SGMS1: variants seen among roughly 807,000 people sequenced by gnomAD.
SGMS1 encodes the protein sphingomyelin synthase 1.
In SGMS1, 13 loss-of-function variants were observed where a neutral mutation model predicts 46.2. The observed-to-expected ratio is 0.28, with a 90% CI of 0.18 to 0.45. The LOEUF (loss-of-function observed/expected upper bound fraction) is 0.45, where lower values mean the gene tolerates loss of function less well. SGMS1 is among the 20% of genes least tolerant of loss of function. SGMS1 has a pLI of 1.00. For synonymous variants in SGMS1, 203 were observed against 187.8 expected (o/e 1.08, Z -0.66); for missense variants, 324 against 519.9 (o/e 0.62, Z 3.66).
chr10:50,543,168 T>C (rs1411211356), intron 2 of SGMS1, among the ~76,000 whole-genome samples: 1 of 152,152 alleles, frequency 6.6e-6, no homozygotes, highest in East Asian at 1.9e-4. Flanking sequence ...AGAATTTCCA[T>C]TACAATATGC....
At chr10:50,553,308 C>T (rs913056360) in intron 2 of SGMS1, among the ~76,000 whole-genome samples, 1 of 152,138 alleles carries the variant, frequency 6.6e-6, no homozygotes, top group Non-Finnish European at 1.5e-5. Flanking sequence ...AAATATACCA[C>T]CTTGGTCAAG....
intron 6 of SGMS1, among the ~76,000 whole-genome samples, chr10:50,393,779 A>G (rs544301112): frequency 2.5e-4 from 38 of 152,310 alleles, no homozygotes; most frequent in African/African-American, 8.9e-4. Flanking sequence ...CTATATTATT[A>G]ATAGTAAAAA....
At chr10:50,567,600 C>T (rs1310275126) in intron 2 of SGMS1, among the ~76,000 whole-genome samples, 1 of 152,174 alleles carries the variant, frequency 6.6e-6, no homozygotes, top group Non-Finnish European at 1.5e-5. Context: ...ACGGGGCAGG[C>T]GGCTCTCCAG....
At chr10:50,537,828 A>G (rs1488652783) in intron 2 of SGMS1, among the ~76,000 whole-genome samples, 1 of 152,194 alleles carries the variant, frequency 6.6e-6, no homozygotes, top group African/African-American at 2.4e-5. Flanking sequence ...GCAGAATTCA[A>G]GAAGAGTGAC....
At chr10:50,549,930 A>G (rs907426444) in intron 2 of SGMS1, among the ~76,000 whole-genome samples, 1 of 152,228 alleles carries the variant, frequency 6.6e-6, no homozygotes, top group Non-Finnish European at 1.5e-5. Context: ...CAATTATCTC[A>G]GAAACACCAC....
chr10:50,555,728 G>A (rs1838184723), intron 2 of SGMS1, among the ~76,000 whole-genome samples: 1 of 152,136 alleles, frequency 6.6e-6, no homozygotes, highest in Non-Finnish European at 1.5e-5. Flanking sequence ...TAAACTCCCT[G>A]GAGGCCAAAG....
At chr10:50,435,046 C>T (rs1849457379) in intron 5 of SGMS1, among the ~76,000 whole-genome samples, 1 of 152,146 alleles carries the variant, frequency 6.6e-6, no homozygotes, top group African/African-American at 2.4e-5. Context: ...CTAAGAGGAA[C>T]AGATTCATTG....
chr10:50,593,454 GAAT>G (rs1297318392), intron 1 of SGMS1, among the ~76,000 whole-genome samples: 1 of 152,160 alleles, frequency 6.6e-6, no homozygotes, highest in East Asian at 1.9e-4. Flanking sequence ...TAGGTGTAAA[GAAT>G]AATAAAATAA....
chr10:50,537,905 C>T (rs1838017698), intron 2 of SGMS1, among the ~76,000 whole-genome samples: 1 of 152,118 alleles, frequency 6.6e-6, no homozygotes, highest in African/African-American at 2.4e-5. Context: ...ATTTACCCTA[C>T]AAGTAACTAA....
intron 1 of SGMS1, among the ~76,000 whole-genome samples, chr10:50,609,098 C>A (rs146388419): frequency 6.6e-6 from 1 of 152,118 alleles, no homozygotes; most frequent in African/African-American, 2.4e-5. Context: ...GATCCTCCCA[C>A]CTCAGTCTCC....
intron 6 of SGMS1, among the ~76,000 whole-genome samples, chr10:50,402,076 T>A (rs928550338): frequency 2.2e-4 from 34 of 152,216 alleles, no homozygotes; most frequent in African/African-American, 8.2e-4. Context: ...TTCATTTCAA[T>A]ATTCTGCCTA....
At chr10:50,396,525 C>T (rs978437531) in intron 6 of SGMS1, among the ~76,000 whole-genome samples, 34 of 152,212 alleles carry the variant, frequency 2.2e-4, no homozygotes, top group Middle Eastern at 3.4e-3. Context: ...AATCTTAAGA[C>T]GAATTAGTTA....
At chr10:50,577,137 C>T (rs116065580) in intron 2 of SGMS1, among the ~76,000 whole-genome samples, 6 of 152,286 alleles carry the variant, frequency 3.9e-5, no homozygotes, top group Admixed American at 1.3e-4. Context: ...AGGCTGCTTC[C>T]GTTAAGCTAG....
intron 1 of SGMS1, among the ~76,000 whole-genome samples, chr10:50,618,026 C>T (rs1315756597): frequency 1.3e-5 from 2 of 151,920 alleles, no homozygotes; most frequent in African/African-American, 4.8e-5. Context: ...GCCTTAATAA[C>T]TCTTAATAAA....
At chr10:50,382,555 A>G (rs538021412) in intron 6 of SGMS1, among the ~76,000 whole-genome samples, 89 of 87,602 alleles carry the variant, frequency 1.0e-3, no homozygotes, top group African/African-American at 3.8e-3. Context: ...AAACACACAC[A>G]CAAACACACA....
In SGMS1 at chr10:50,343,739, A is replaced by G; in HGVS notation, c.376T>C (p.Ser126Pro). Residue 126 changes from serine (S) to proline (P), a missense_variant, in exon 7 of 11, where the codon TCT becomes CCT. Around this residue, in one of 2 missense-constraint regions of SGMS1, gnomAD observed 150 missense variants for 169.8 expected, o/e 0.88. Coordinates refer to ENST00000361781, the MANE Select transcript of SGMS1 (RefSeq NM_147156.4). ...TTGCCCCACTCCATGGGGTACTGAG[A>G]GCGCTCCAGTTCTGGCATGGGGATC... ...IKIPMPELER[S>P]QYPMEWGKTF... The G allele has an allele frequency of 6.2e-7, 1 of 1,614,102 alleles. No homozygotes were observed. The highest frequency in any genetic ancestry group is 8.5e-7 in the Non-Finnish European group (1 of 1,180,006).
At position 50,406,937 on chromosome 10, in the gene SGMS1, C is replaced by A. The variant is rs192208928; in HGVS notation, c.-232+26539G>T. ...TGCTATGTTGCCCAGGCAGGTCCTG[C>A]GCTCCTGGCCTCAAGTAATCTTCCT... On this transcript the variant is annotated intron_variant, in intron 6 of 10. Coordinates refer to ENST00000361781, the MANE Select transcript of SGMS1 (RefSeq NM_147156.4). 2.6e-5 allele frequency among the ~76,000 whole-genome samples: 4 copies of A among 152,164 alleles called. No homozygotes were observed. In the East Asian group the frequency reaches 7.7e-4, roughly 29 times the overall value.
intron 3 of SGMS1, among the ~76,000 whole-genome samples, chr10:50,475,248 C>T (rs895555606): frequency 1.3e-5 from 2 of 152,228 alleles, no homozygotes; most frequent in East Asian, 1.9e-4. Context: ...CATTTTATTG[C>T]TCTATGGATA....
In SGMS1 at chr10:50,329,832, C is replaced by T. The variant is rs1847589699; in HGVS notation, c.624-2510G>A. Among the ~76,000 whole-genome samples the T allele has an allele frequency of 2.0e-5, 3 of 152,228 alleles. No individual in the cohort carries two copies. The South Asian group carries it at 6.2e-4, about 31-fold the overall frequency. ...AAGAAGCCAGTTTCCCATCTGCACA[C>T]ACTTGGCAAGGACTATCATTTCAGA... On this transcript the variant is annotated intron_variant, in intron 7 of 10. Coordinates refer to ENST00000361781, the MANE Select transcript of SGMS1 (RefSeq NM_147156.4).
Sources: allele counts gnomAD v4.1 joint callset (sites outside exome capture counted in the v4.1 genomes callset), GRCh38; gene constraint gnomAD v4.1.1; regional missense constraint gnomAD v4.1.1; transcripts MANE v1.5; gene names NCBI Gene and HGNC (gene_info 2026-07-23, HGNC 2026-07-21).